The following NTM variants were observed in gnomAD, a reference collection of about 807,000 sequenced individuals.
NTM encodes neurotrimin.
NTM carries 13 observed loss-of-function variants against 42.1 expected under a neutral mutation model. That is an observed-to-expected ratio of 0.31 (90% confidence interval 0.20 to 0.49). The LOEUF is 0.49. Ranked by LOEUF, NTM falls within the 20% of genes least tolerant of loss-of-function variation. The pLI is 0.99. For missense variants in NTM, 373 were observed against 452.8 expected (o/e 0.82, Z 1.60); for synonymous variants, 187 against 179.2 (o/e 1.04, Z -0.35).
chr11:131,447,942 T>C (rs1418486658), intron 1 of NTM, among the ~76,000 whole-genome samples: 1 of 152,204 alleles, frequency 6.6e-6, no homozygotes, highest in Non-Finnish European at 1.5e-5. Flanking sequence ...TTCTGCGTCT[T>C]GGGCAGTCGG....
intron 1 of NTM, among the ~76,000 whole-genome samples, chr11:131,811,190 G>A (rs1304821572): frequency 6.6e-6 from 1 of 152,160 alleles, no homozygotes; most frequent in Non-Finnish European, 1.5e-5. Context: ...ACTGGGAGTT[G>A]AGAATTGCTG....
At chr11:132,221,482 G>T (rs1480380820) in intron 4 of NTM, among the ~76,000 whole-genome samples, 1 of 152,168 alleles carries the variant, frequency 6.6e-6, no homozygotes, top group African/African-American at 2.4e-5. Context: ...AAGCCAGGTA[G>T]TCGGTCTGTC....
chr11:131,693,615 G>A (rs977057375), intron 1 of NTM, among the ~76,000 whole-genome samples: 8 of 152,138 alleles, frequency 5.3e-5, no homozygotes, highest in Non-Finnish European at 8.8e-5. Context: ...ATCTGTTGCT[G>A]AGCACCGTTT....
chr11:132,010,284 C>T (rs972345528), intron 2 of NTM, among the ~76,000 whole-genome samples: 3 of 152,164 alleles, frequency 2.0e-5, no homozygotes, highest in African/African-American at 4.8e-5. Context: ...AAGCTATAGC[C>T]CCAGCTTTTA....
intron 1 of NTM, among the ~76,000 whole-genome samples, chr11:131,438,995 T>C (rs1045304324): frequency 6.6e-6 from 1 of 152,242 alleles, no homozygotes; most frequent in African/African-American, 2.4e-5. Flanking sequence ...TTGTTGATGC[T>C]GATGCTATTC....
intron 1 of NTM, among the ~76,000 whole-genome samples, chr11:131,496,033 T>A (rs1351724382): frequency 6.6e-6 from 1 of 152,182 alleles, no homozygotes; most frequent in East Asian, 1.9e-4. Context: ...GCTGAACTCA[T>A]TAGGATTGAA....
intron 2 of NTM, among the ~76,000 whole-genome samples, chr11:132,104,751 A>T (rs537155208): frequency 2.7e-5 from 4 of 150,104 alleles, no homozygotes; most frequent in Admixed American, 6.6e-5. Flanking sequence ...AAGAAAAAAA[A>T]TAAATTATCT....
At chr11:131,492,322 G>A (rs1171588848) in intron 1 of NTM, among the ~76,000 whole-genome samples, 1 of 152,152 alleles carries the variant, frequency 6.6e-6, no homozygotes, top group African/African-American at 2.4e-5. Flanking sequence ...GCTATCAGTG[G>A]TGGTATTAGA....
chr11:131,484,397 T>A (rs1345962498), intron 1 of NTM, among the ~76,000 whole-genome samples: 1 of 152,188 alleles, frequency 6.6e-6, no homozygotes, highest in Non-Finnish European at 1.5e-5. Flanking sequence ...ATGCAAGTAT[T>A]GGAGAAGGCA....
intron 1 of NTM, among the ~76,000 whole-genome samples, chr11:131,789,535 A>G (rs1367388220): frequency 3.5e-5 from 1 of 28,658 alleles, no homozygotes; most frequent in Non-Finnish European, 6.0e-5. Context: ...AAGAAGAAGA[A>G]GAAGAAGAAG....
chr11:132,233,265 A>C (rs1006470646), intron 4 of NTM, among the ~76,000 whole-genome samples: 2 of 152,164 alleles, frequency 1.3e-5, no homozygotes, highest in Non-Finnish European at 2.9e-5. Flanking sequence ...AAAATGCAAA[A>C]TAAAATTAGC....
intron 4 of NTM, among the ~76,000 whole-genome samples, chr11:132,269,982 C>G (rs1410305602): frequency 6.6e-6 from 1 of 152,138 alleles, no homozygotes; most frequent in Non-Finnish European, 1.5e-5. Context: ...AAATATAAAA[C>G]CTCTCCATCG....
intron 1 of NTM, among the ~76,000 whole-genome samples, chr11:131,458,107 A>G (rs529147846): frequency 6.6e-6 from 1 of 152,342 alleles, no homozygotes; most frequent in Non-Finnish European, 1.5e-5. Context: ...AGAGGGAAGA[A>G]GTTTGATTAC....
chr11:132,034,477 A>G (rs2076277169), intron 2 of NTM, among the ~76,000 whole-genome samples: 1 of 152,356 alleles, frequency 6.6e-6, no homozygotes, highest in Admixed American at 6.5e-5. Context: ...TGTGGCTGGA[A>G]GATTAGCAGG....
intron 1 of NTM, among the ~76,000 whole-genome samples, chr11:131,371,478 G>A (rs1941167912): frequency 6.6e-6 from 1 of 152,172 alleles, no homozygotes. Context: ...GTTTGTGGCT[G>A]GGGTCGGAGG....
chr11:132,217,008 G>A (rs1158014290), intron 4 of NTM, among the ~76,000 whole-genome samples: 2 of 152,216 alleles, frequency 1.3e-5, no homozygotes, highest in African/African-American at 4.8e-5. Context: ...CAAGAAGAGA[G>A]GAGGCTCACA....
chr11:131,802,810 AT>A (rs2136239941), intron 1 of NTM, among the ~76,000 whole-genome samples: 1 of 152,246 alleles, frequency 6.6e-6, no homozygotes, highest in East Asian at 1.9e-4. Context: ...ACTCAGTGTT[AT>A]TTTCCCCCAC....
chr11:132,059,274 C>T (rs2080224837), intron 2 of NTM, among the ~76,000 whole-genome samples: 1 of 152,182 alleles, frequency 6.6e-6, no homozygotes, highest in Non-Finnish European at 1.5e-5. Flanking sequence ...GCCCAACAAC[C>T]TGGATCCTCC....
Position 131,487,246 on chromosome 11 carries a change from C to T in NTM, c.82+116358C>T, listed in dbSNP as rs116532594. ...CTTGTTATAGCCTCGTGTTTTGATTCTTGCTGAACTCTGGAGAATATAAAG... is the reference window on the plus strand; with the variant it reads ...CTTGTTATAGCCTCGTGTTTTGATTTTTGCTGAACTCTGGAGAATATAAAG... On this transcript the variant is annotated intron_variant, in intron 1 of 8. Transcript: ENST00000683400. Among the ~76,000 whole-genome samples the T allele has an allele frequency of 5.5e-3, 834 of 152,286 alleles. 4 individuals carry two copies. Among genetic ancestry groups the T allele is most frequent in the African/African-American group, 0.019 (790 of 41,558 alleles).
Sources: gnomAD v4.1 joint callset for allele counts (sites outside exome capture counted in the v4.1 genomes callset) on GRCh38, gnomAD v4.1.1 for gene constraint, MANE v1.5 for transcripts, NCBI Gene and HGNC (gene_info 2026-07-23, HGNC 2026-07-21) for gene names.